Variants in SCRG1 observed in about 807,000 individuals in gnomAD.
SCRG1 encodes stimulator of chondrogenesis 1, also known as scrapie-responsive protein 1.
SCRG1 carries 3 observed loss-of-function variants against 7.7 expected under a neutral mutation model. The observed-to-expected ratio is 0.39, with a 90% CI of 0.18 to 1.01. The LOEUF (loss-of-function observed/expected upper bound fraction) is 1.01, where lower values mean the gene tolerates loss of function less well. Ranked by LOEUF, SCRG1 falls within the 50% of genes least tolerant of loss-of-function variation. The probability of loss-of-function intolerance (pLI) is 0.36; values close to 1 mark genes in which losing one functional copy is unlikely to be tolerated. For missense variants in SCRG1, 110 were observed against 117.2 expected (o/e 0.94, Z 0.28); for synonymous variants, 46 against 41.2 (o/e 1.12, Z -0.44).
chr4:173,436,025 C>A, the SCRG1 span, among the ~76,000 whole-genome samples: 2 of 152,224 alleles, frequency 1.3e-5, no homozygotes, highest in South Asian at 4.1e-4. Flanking sequence ...TACACTGGCA[C>A]AATGATTTAA....
At chr4:173,402,353 G>A (rs1424235189), upstream of SCRG1, among the ~76,000 whole-genome samples, 3 of 151,786 alleles carry the variant, frequency 2.0e-5, no homozygotes, top group Admixed American at 1.3e-4. Flanking sequence ...TTAGTGATAA[G>A]ACCAATTCGT....
upstream of SCRG1, among the ~76,000 whole-genome samples, chr4:173,400,775 TCA>T (rs1739740578): frequency 6.6e-6 from 1 of 152,130 alleles, no homozygotes; most frequent in African/African-American, 2.4e-5. Context: ...CTGCCCCAAA[TCA>T]CACACACAGC....
the SCRG1 span, among the ~76,000 whole-genome samples, chr4:173,484,044 AAATAT>A: frequency 7.6e-5 from 7 of 92,302 alleles, no homozygotes; most frequent in Admixed American, 9.0e-4. Context: ...ATATAATTAT[AAATAT>A]AATATACATA....
In SCRG1 at chr4:173,388,374, C is replaced by A; in HGVS notation, c.264G>T (p.Lys88Asn). The A allele has an allele frequency of 6.2e-7, 1 of 1,611,748 alleles. No individual in the cohort carries two copies. Among genetic ancestry groups the A allele is most frequent in the Non-Finnish European group, 8.5e-7 (1 of 1,178,632 alleles). Residue 88 changes from lysine to asparagine, a missense_variant, in exon 3 of 3, where the codon AAG becomes AAT. Lys to Asn is a moderately conservative substitution (Grantham distance 94). Coordinates refer to ENST00000296506, the MANE Select transcript of SCRG1 (RefSeq NM_007281.4). ...CCPKDVFFGP[K>N]ISFVIPCNNQ Reference sequence around the variant, plus strand: ...TGTTGCAAGGAATCACGAAAGAGATCTTTGGTCCAAAGAAAACGTCTCTGA... The same window carrying A: ...TGTTGCAAGGAATCACGAAAGAGATATTTGGTCCAAAGAAAACGTCTCTGA...
the SCRG1 span, among the ~76,000 whole-genome samples, chr4:173,471,786 C>T: frequency 1.1e-4 from 17 of 152,094 alleles, no homozygotes; most frequent in African/African-American, 4.1e-4. Context: ...CTCAGCTCAC[C>T]GCAACCTCCG....
chr4:173,405,965 A>T (rs1291267786), intron 1 of SCRG1, among the ~76,000 whole-genome samples: 1 of 152,232 alleles, frequency 6.6e-6, no homozygotes, highest in Non-Finnish European at 1.5e-5. Flanking sequence ...ATAGCTTCTC[A>T]TTCCTCTCAG....
At chr4:173,445,795 A>G in the SCRG1 span, among the ~76,000 whole-genome samples, 1 of 150,860 alleles carries the variant, frequency 6.6e-6, no homozygotes. Context: ...CCTCCTGAGT[A>G]GCTGGGACTA....
At chr4:173,442,450 C>T in the SCRG1 span, among the ~76,000 whole-genome samples, 2 of 152,174 alleles carry the variant, frequency 1.3e-5, no homozygotes. Context: ...TCAGCTGCTC[C>T]CTGTCTAGTT....
At chr4:173,442,589 TG>T in the SCRG1 span, among the ~76,000 whole-genome samples, 1 of 152,216 alleles carries the variant, frequency 6.6e-6, no homozygotes, top group Non-Finnish European at 1.5e-5. Context: ...TCTATCCATT[TG>T]TCTTAGTCTG....
At chr4:173,492,527 C>T in the SCRG1 span, among the ~76,000 whole-genome samples, 65 of 152,280 alleles carry the variant, frequency 4.3e-4, no homozygotes, top group East Asian at 1.4e-3. Flanking sequence ...GTGTCAGTCA[C>T]GGTTCAATAC....
chr4:173,499,030 C>T, the SCRG1 span, among the ~76,000 whole-genome samples: 2 of 152,120 alleles, frequency 1.3e-5, no homozygotes, highest in African/African-American at 4.8e-5. The surrounding 1 kb of genome is among the most constrained non-coding windows in gnomAD (Gnocchi z 4.1). Flanking sequence ...TAGAAAAGGC[C>T]GCGGGTTCTG....
the SCRG1 span, among the ~76,000 whole-genome samples, chr4:173,509,540 G>T: frequency 6.6e-6 from 1 of 152,216 alleles, no homozygotes; most frequent in Admixed American, 6.5e-5. The surrounding 1 kb of genome is among the most constrained non-coding windows in gnomAD (Gnocchi z 5.7). Context: ...CTCTCCCCAG[G>T]GCTGTGCGCT....
rs1301400882 is a variant in SCRG1, at chr4:173,388,147, G to A, written c.*194C>T. 4.4e-6 allele frequency: 2 copies of A among 459,426 alleles called. No homozygotes were observed. The highest frequency in any genetic ancestry group is 5.3e-5 in the South Asian group (1 of 19,018). 28.5% of individuals were successfully genotyped at this position (459,426 alleles called of 1,614,324 possible). ...AAAATTTTTAACCAATGCCAACAAT[G>A]TCCACAGAGAAAAATTAGATTGAAT... On this transcript the variant is annotated 3_prime_UTR_variant, in exon 3 of 3. Transcript: ENST00000296506.
intron 1 of SCRG1, among the ~76,000 whole-genome samples, 170 bp from the exon 2 acceptor site, chr4:173,391,598 G>A (rs10520258): frequency 0.033 from 5,074 of 152,232 alleles, 171 homozygotes; most frequent in African/African-American, 0.09. Context: ...GACCATCTAT[G>A]ATAAAAAACC....
At chr4:173,402,551 A>T (rs1432563602), upstream of SCRG1, among the ~76,000 whole-genome samples, 1 of 152,196 alleles carries the variant, frequency 6.6e-6, no homozygotes. Context: ...GATGTCTCAG[A>T]TATAAATAAT....
At chr4:173,477,388 C>G in the SCRG1 span, among the ~76,000 whole-genome samples, 1 of 152,080 alleles carries the variant, frequency 6.6e-6, no homozygotes, top group Non-Finnish European at 1.5e-5. Flanking sequence ...AATTTCCCTC[C>G]CATCTTCTTC....
chr4:173,467,288 T>A, the SCRG1 span, among the ~76,000 whole-genome samples: 2 of 152,226 alleles, frequency 1.3e-5, no homozygotes. Flanking sequence ...TCTAGCTTTT[T>A]GGGATTGGTG....
the SCRG1 span, among the ~76,000 whole-genome samples, chr4:173,443,943 TTGTGTGTGTGTGTG>T: frequency 6.5e-5 from 9 of 138,796 alleles, no homozygotes; most frequent in Non-Finnish European, 6.2e-5. Flanking sequence ...AGAGCTTGTT[TTGTGTGTGTGTGTG>T]TGTGTGTGTG....
At chr4:173,471,426 C>G in the SCRG1 span, among the ~76,000 whole-genome samples, 2 of 152,270 alleles carry the variant, frequency 1.3e-5, no homozygotes, top group South Asian at 2.1e-4. Context: ...TACAAAGGAT[C>G]ACCCCATCCT....
Sources: gnomAD v4.1 joint callset for allele counts (sites outside exome capture counted in the v4.1 genomes callset) on GRCh38, gnomAD v4.1.1 for gene constraint, Gnocchi (gnomAD v3.1) non-coding constraint, MANE v1.5 for transcripts, NCBI Gene and HGNC (gene_info 2026-07-23, HGNC 2026-07-21) for gene names.